USP10: variants seen among roughly 807,000 people sequenced by gnomAD.
USP10 encodes ubiquitin specific peptidase 10.
In USP10, 22 loss-of-function variants were observed where a neutral mutation model predicts 84.5. The observed-to-expected ratio is 0.26, with a 90% confidence interval of 0.19 to 0.37. USP10 has a LOEUF of 0.37. Among genes scored for constraint, USP10 ranks in the 10% least tolerant of loss-of-function variants. The pLI, the probability that USP10 is intolerant of heterozygous loss-of-function variation, is 1.00. For missense variants in USP10, 1,019 were observed against 998.9 expected (o/e 1.02, Z -0.27); for synonymous variants, 454 against 387.6 (o/e 1.17, Z -2.01).
chr16:84,774,883 G>T (rs1914833894), intron 12 of USP10, among the ~76,000 whole-genome samples: 2 of 152,120 alleles, frequency 1.3e-5, no homozygotes, highest in African/African-American at 2.4e-5. Context: ...ATTTTGTAGA[G>T]CACCTGTTTT....
chr16:84,771,342 A>G (rs1170983106), intron 11 of USP10, among the ~76,000 whole-genome samples: 1 of 152,158 alleles, frequency 6.6e-6, no homozygotes, highest in Non-Finnish European at 1.5e-5. Flanking sequence ...GCTTAAGTCT[A>G]GGAGTTCAAG....
chr16:84,768,469 G>A (rs1472869344), intron 11 of USP10, 111 bp downstream of exon 11: 1 of 1,083,042 alleles, frequency 9.2e-7, no homozygotes, highest in Non-Finnish European at 1.2e-6. Flanking sequence ...TCTTAAATCA[G>A]TTGCTTAACC....
Position 84,744,724 on chromosome 16 carries a change from C to T in USP10, c.243C>T (p.Ser81=). 4 of 1,613,700 alleles carry T rather than the reference C, an allele frequency of 2.5e-6. No homozygotes were observed. The highest frequency in any genetic ancestry group is 1.1e-5 in the South Asian group (1 of 91,048). Residue 81 remains serine, a synonymous_variant, in exon 4 of 14, where the codon AGC becomes AGT. Transcript: ENST00000219473. ...GAACCCCCAGCTACAGTATTTCAAG[C>T]ACACTGAACCCTCAGGCCCCTGAAT... The part of the protein sequence containing the change: ...LPRTPSYSIS[S]TLNPQAPEFI...
chr16:84,749,020 C>G (rs1216985729), intron 4 of USP10, among the ~76,000 whole-genome samples: 1 of 152,192 alleles, frequency 6.6e-6, no homozygotes, highest in African/African-American at 2.4e-5. Context: ...TAATTCTTTT[C>G]AGCCTGTTTG....
In USP10 at chr16:84,746,072, A is replaced by C. The variant is rs1447483313; in HGVS notation, c.1192+399A>C. Among the ~76,000 whole-genome samples the C allele has an allele frequency of 2.6e-5, 4 of 152,118 alleles. No individual in the cohort carries two copies. The East Asian group carries it at 7.7e-4, about 29-fold the overall frequency. On this transcript the variant is annotated intron_variant, in intron 4 of 13. Transcript: ENST00000219473. ...TTTTTATATTTCTTAAGATACAAGA[A>C]ATCATTTTGTGAAATAACATGGTTT...
At chr16:84,759,733 C>T in intron 6 of USP10, 158 bp from the exon 7 acceptor site, 1 of 762,456 alleles carries the variant, frequency 1.3e-6, no homozygotes, top group Non-Finnish European at 2.1e-6. Flanking sequence ...ACCAAAAATG[C>T]ATATAGAAGA....
intron 2 of USP10, among the ~76,000 whole-genome samples, chr16:84,735,294 A>G (rs531283929): frequency 3.3e-5 from 5 of 151,808 alleles, no homozygotes; most frequent in Non-Finnish European, 1.5e-5. Context: ...ACACTGATGT[A>G]ACCATACGTT....
intron 1 of USP10, chr16:84,709,171 C>T (rs904456811): frequency 6.6e-6 from 1 of 152,242 alleles, no homozygotes; most frequent in African/African-American, 2.4e-5. Context: ...TTGAGGAAGA[C>T]AGCTTGCTAA....
chr16:84,745,507 G>A lies in USP10; in HGVS notation c.1026G>A (p.Trp342Ter). The change falls in exon 4 of 14, where the codon TGG becomes TGA. Residue 342 changes from tryptophan (W) to a stop codon, truncating the protein, a stop_gained. Transcript: ENST00000219473. LOFTEE classifies it high-confidence loss of function. ...GTLPVSQPKS[W>*]ASLFHDSKPS... The stretch of plus-strand genomic sequence containing the variant: ...TTCCTGTCAGCCAGCCCAAGTCCTG[G>A]GCCAGCCTCTTTCATGATTCTAAGC... 2 of 1,613,548 alleles carry A rather than the reference G, an allele frequency of 1.2e-6. No homozygotes were observed. Among genetic ancestry groups the A allele is most frequent in the South Asian group, 1.1e-5 (1 of 91,026 alleles).
At chr16:84,743,034 C>T (rs943132014) in intron 3 of USP10, among the ~76,000 whole-genome samples, 2 of 152,196 alleles carry the variant, frequency 1.3e-5, no homozygotes, top group Admixed American at 6.5e-5. Flanking sequence ...GCCTTCCGCC[C>T]CAGGCACACC....
Position 84,744,640 on chromosome 16 carries a change from A to G in USP10, c.159A>G (p.Glu53=). 1 of 1,607,384 alleles carries G rather than the reference A, an allele frequency of 6.2e-7. No individual in the cohort carries two copies. Among genetic ancestry groups the G allele is most frequent in the African/African-American group, 1.3e-5 (1 of 74,650 alleles). The change falls in exon 4 of 14, where the codon GAA becomes GAG. Residue 53 remains glutamate, a synonymous_variant. Coordinates refer to ENST00000219473, the MANE Select transcript of USP10 (RefSeq NM_005153.3). ...AGTTTTCTTTCTAAACAGGACAAGA[A>G]TATCAGAGAATTGAGTTTGGTGTCG... The part of the protein sequence containing the change: ...QAVDKLPDGQ[E]YQRIEFGVDE...
At chr16:84,748,250 G>C (rs113446464) in intron 4 of USP10, among the ~76,000 whole-genome samples, 2,036 of 151,900 alleles carry the variant, frequency 0.013, 23 homozygotes, top group Middle Eastern at 0.031. Flanking sequence ...AGAAATGCAT[G>C]GTGGGGTCCT....
chr16:84,768,389 A>C (rs751965932), intron 11 of USP10, 31 bp downstream of exon 11: 1 of 1,523,756 alleles, frequency 6.6e-7, no homozygotes, highest in Admixed American at 2.0e-5. Flanking sequence ...GAACCTTTCT[A>C]CTAAGGTGCT....
intron 3 of USP10, among the ~76,000 whole-genome samples, chr16:84,740,975 A>G (rs1395999488): frequency 6.6e-6 from 1 of 152,246 alleles, no homozygotes; most frequent in Non-Finnish European, 1.5e-5. Context: ...AAGGTTGTTT[A>G]ATTATTGATT....
At chr16:84,746,967 T>G (rs1461264531) in intron 4 of USP10, among the ~76,000 whole-genome samples, 1 of 152,232 alleles carries the variant, frequency 6.6e-6, no homozygotes, top group Admixed American at 6.5e-5. Flanking sequence ...TGTTTTTAAC[T>G]TTTTAAACTT....
chr16:84,766,699 T>C (rs1301865587), intron 10 of USP10, among the ~76,000 whole-genome samples: 1 of 152,222 alleles, frequency 6.6e-6, no homozygotes. Flanking sequence ...TTTGGAGGAC[T>C]TGCTGGCTCA....
At chr16:84,773,266 G>T (rs1379319674) in intron 12 of USP10, among the ~76,000 whole-genome samples, 1 of 152,192 alleles carries the variant, frequency 6.6e-6, no homozygotes, top group African/African-American at 2.4e-5. Flanking sequence ...TTGTGAAAAC[G>T]TATAGTACAA....
chr16:84,737,227 T>C (rs1461859758), intron 2 of USP10, among the ~76,000 whole-genome samples: 1 of 152,224 alleles, frequency 6.6e-6, no homozygotes, highest in African/African-American at 2.4e-5. Flanking sequence ...CAGGTATCCT[T>C]TTCACAAGGC....
At chr16:84,774,398 G>A (rs1386976346) in intron 12 of USP10, among the ~76,000 whole-genome samples, 1 of 152,144 alleles carries the variant, frequency 6.6e-6, no homozygotes, top group Non-Finnish European at 1.5e-5. Flanking sequence ...GGGAGTTCCC[G>A]CCTCGTAGCA....
Sources: gnomAD v4.1 joint callset for allele counts (sites outside exome capture counted in the v4.1 genomes callset) on GRCh38, gnomAD v4.1.1 for gene constraint, MANE v1.5 for transcripts, NCBI Gene and HGNC (gene_info 2026-07-23, HGNC 2026-07-21) for gene names.